The following F8 variants were observed in gnomAD, a reference collection of about 807,000 sequenced individuals.
F8 encodes the protein coagulation factor VIII, also known as antihemophilic factor.
F8 carries 12 observed loss-of-function variants against 140.6 expected under a neutral mutation model. That is an observed-to-expected ratio of 0.09 (90% CI 0.05 to 0.14). F8 has a LOEUF of 0.14. F8 is among the 10% of genes least tolerant of loss of function. F8 has a pLI of 1.00. For synonymous variants in F8, 585 were observed against 614.6 expected, an observed-to-expected ratio of 0.95 and a Z score of 0.71; for missense variants, 1,354 against 1,720.7, an observed-to-expected ratio of 0.79 and a Z score of 3.77.
intron 13 of F8, among the ~76,000 whole-genome samples, chrX:154,942,197 A>G (rs1177108706): frequency 9.4e-6 from 1 of 106,930 alleles, no homozygotes; most frequent in Non-Finnish European, 1.9e-5. Flanking sequence ...AGAGACACAA[A>G]AAACCCTTCA....
chrX:154,972,707 C>CTTTTTTTTTTTTTTTTTTTTTTT (rs1184930129), intron 6 of F8, among the ~76,000 whole-genome samples: 5 of 55,266 alleles, frequency 9.0e-5, no homozygotes, highest in African/African-American at 1.4e-4. Flanking sequence ...TTCTGTCTTT[C>CTTTTTTTTTTTTTTTTTTTTTTT]TTTTTTTTTT....
chrX:154,993,210 C>T, intron 3 of F8, 62 bp from the exon 4 acceptor site: 10 of 957,188 alleles, frequency 1.0e-5, no homozygotes, highest in Non-Finnish European at 1.5e-5. Context: ...AGAAACATGT[C>T]AAGTTTATTG....
intron 14 of F8, among the ~76,000 whole-genome samples, chrX:154,907,526 T>C (rs1557276432): frequency 8.9e-6 from 1 of 112,310 alleles, no homozygotes; most frequent in African/African-American, 3.2e-5. Context: ...CCAAAGCAGC[T>C]GGACCATTTT....
intron 22 of F8, among the ~76,000 whole-genome samples, chrX:154,872,468 T>C (rs975875442): frequency 1.4e-4 from 15 of 107,221 alleles, no homozygotes; most frequent in Middle Eastern, 4.7e-3. Context: ...AAACACTGCA[T>C]GTTCTCACTC....
chrX:154,968,099 G>A (rs2073434762), intron 7 of F8, among the ~76,000 whole-genome samples: 1 of 111,865 alleles, frequency 8.9e-6, no homozygotes, highest in African/African-American at 3.3e-5. Flanking sequence ...TGGTTTGAAT[G>A]TCTGTCCCCT....
At chrX:154,885,754 G>GGGA (rs2072885795) in intron 22 of F8, among the ~76,000 whole-genome samples, 1 of 95,581 alleles carries the variant, frequency 1.0e-5, no homozygotes, top group African/African-American at 4.0e-5. Context: ...GGGTGGGAAG[G>GGGA]GGACACCCCC....
chrX:154,930,441 T>C lies in F8; in HGVS notation c.3349A>G (p.Lys1117Glu), dbSNP rs782493090. 1.7e-5 allele frequency: 21 copies of C among 1,211,621 alleles called. No individual in the cohort carries two copies. Among genetic ancestry groups the C allele is most frequent in the Non-Finnish European group, 2.0e-5 (18 of 895,248 alleles). The change falls in exon 14 of 26, where the codon AAG becomes GAG. Residue 1117 changes from lysine (K) to glutamate (E), a missense_variant. Coordinates refer to ENST00000360256, the MANE Select transcript of F8 (RefSeq NM_000132.4). ...GCTGATTCTGGCAAGAATAGCATCT[T>C]AAAGAACGACATATCTGGATTTTGT... is the stretch of plus-strand genomic sequence containing the variant. ...DAQNPDMSFF[K>E]MLFLPESARW... is the part of the protein sequence containing the mutation.
At chrX:154,979,412 G>T in intron 6 of F8, among the ~76,000 whole-genome samples, 1 of 111,469 alleles carries the variant, frequency 9.0e-6, no homozygotes, top group Middle Eastern at 4.7e-3. Context: ...GGCAGGTAGA[G>T]CTGGGCTACG....
At chrX:154,947,156 C>T (rs782657881) in intron 13 of F8, among the ~76,000 whole-genome samples, 3 of 91,996 alleles carry the variant, frequency 3.3e-5, no homozygotes, top group Non-Finnish European at 6.2e-5. Context: ...ACCCGGGTGG[C>T]GGAGCTTGCA....
intron 25 of F8, among the ~76,000 whole-genome samples, chrX:154,848,086 G>T (rs2072584245): frequency 8.9e-6 from 1 of 112,806 alleles, no homozygotes; most frequent in Admixed American, 9.3e-5. Flanking sequence ...CAGCAGCAGA[G>T]GCTGCAGAAG....
At chrX:154,903,354 T>A (rs1338690232) in intron 18 of F8, among the ~76,000 whole-genome samples, 1 of 111,202 alleles carries the variant, frequency 9.0e-6, no homozygotes, top group Non-Finnish European at 1.9e-5. Flanking sequence ...TGGCTAATTA[T>A]TTTTTGTAGA....
intron 22 of F8, among the ~76,000 whole-genome samples, chrX:154,877,406 C>T (rs2072824946): frequency 8.9e-6 from 1 of 112,047 alleles, no homozygotes; most frequent in Non-Finnish European, 1.9e-5. Context: ...TGCAATGTTA[C>T]TGGCTTCGAA....
At chrX:154,866,095 T>C (rs782820372) in intron 22 of F8, among the ~76,000 whole-genome samples, 9 of 111,255 alleles carry the variant, frequency 8.1e-5, no homozygotes, top group Non-Finnish European at 1.3e-4. Context: ...AGAGCAGGGG[T>C]GGCTATACTT....
At chrX:154,955,834 T>A (rs1464387561) in intron 11 of F8, among the ~76,000 whole-genome samples, 4 of 111,860 alleles carry the variant, frequency 3.6e-5, no homozygotes, top group African/African-American at 1.3e-4. Context: ...TTCCATGTCC[T>A]GCTGTGCATG....
chrX:154,994,069 T>C (rs2073603758), intron 3 of F8, among the ~76,000 whole-genome samples: 1 of 112,404 alleles, frequency 8.9e-6, no homozygotes, highest in South Asian at 3.7e-4. Flanking sequence ...CTTCCTACTC[T>C]TCAGTAATGC....
chrX:154,873,333 T>C (rs1296413262), intron 22 of F8, among the ~76,000 whole-genome samples: 1 of 109,458 alleles, frequency 9.1e-6, no homozygotes, highest in Non-Finnish European at 1.9e-5. Flanking sequence ...TTTAAGTGAT[T>C]CTCCACCTCA....
intron 21 of F8, among the ~76,000 whole-genome samples, chrX:154,897,064 TTC>T (rs1305697906): frequency 1.8e-5 from 2 of 112,472 alleles, no homozygotes; most frequent in Non-Finnish European, 3.8e-5. Context: ...AGCTTTTATA[TTC>T]TCTCTAGCCC....
chrX:154,862,226 C>T (rs1002421093), intron 23 of F8, among the ~76,000 whole-genome samples: 5 of 110,371 alleles, frequency 4.5e-5, no homozygotes, highest in African/African-American at 1.3e-4. Flanking sequence ...TGGGGTTTCA[C>T]TATGTTAGCC....
At chrX:154,964,150 A>C (rs1199566185) in intron 9 of F8, among the ~76,000 whole-genome samples, 1 of 111,898 alleles carries the variant, frequency 8.9e-6, no homozygotes, top group African/African-American at 3.2e-5. Context: ...GAGTATACAA[A>C]CCCACAGCAA....
Sources: gnomAD v4.1 joint callset for allele counts (sites outside exome capture counted in the v4.1 genomes callset) on GRCh38, gnomAD v4.1.1 for gene constraint, MANE v1.5 for transcripts, NCBI Gene and HGNC (gene_info 2026-07-23, HGNC 2026-07-21) for gene names.